PLXDC2: variants seen among roughly 807,000 people sequenced by gnomAD.
The protein encoded by PLXDC2 is plexin domain-containing protein 2.
In PLXDC2, 40 loss-of-function variants were observed where a neutral mutation model predicts 68.9. The observed-to-expected ratio is 0.58, with a 90% CI of 0.45 to 0.76. The LOEUF (loss-of-function observed/expected upper bound fraction) is 0.76, where lower values mean the gene tolerates loss of function less well. Among genes scored for constraint, PLXDC2 ranks in the 30% least tolerant of loss-of-function variants. The pLI is 0.00. For missense variants in PLXDC2, 644 were observed against 661.9 expected (o/e 0.97, Z 0.30); for synonymous variants, 243 against 234.2 (o/e 1.04, Z -0.34).
chr10:20,238,665 A>ATATATATATGTG lies in PLXDC2; in HGVS notation c.1313-6671_1313-6670insGTGTATATATAT, dbSNP rs1835467216. 1.4e-4 allele frequency among the ~76,000 whole-genome samples: 17 copies of ATATATATATGTG among 120,068 alleles called. 1 individual carries two copies. Among genetic ancestry groups the ATATATATATGTG allele is most frequent in the African/African-American group, 4.4e-4 (13 of 29,806 alleles). The allele number at this position is 120,068 out of a possible 152,430, so 78.8% of individuals were successfully genotyped here. A position where few individuals can be genotyped will look rare whatever the true frequency, so the allele number is the denominator to read the frequency against. On this transcript the variant is annotated intron_variant, in intron 12 of 13. Transcript: ENST00000377252. ...AGAAAGACTCCATCTCAAAAAAAAT[A>ATATATATATGTG]TATATATATATGTATATATATATAT...
At chr10:20,153,537 C>G (rs1324832876) in intron 6 of PLXDC2, among the ~76,000 whole-genome samples, 1 of 152,098 alleles carries the variant, frequency 6.6e-6, no homozygotes, top group Non-Finnish European at 1.5e-5. Context: ...TAGAAATGAT[C>G]TTAATCTTGT....
At position 20,147,830 on chromosome 10, in the gene PLXDC2, T is replaced by A. The variant is rs1834099521; in HGVS notation, c.711T>A (p.Asn237Lys). The A allele has an allele frequency of 6.2e-7, 1 of 1,613,442 alleles. No homozygotes were observed. Among genetic ancestry groups the A allele is most frequent in the Admixed American group, 1.7e-5 (1 of 59,992 alleles). The change falls in exon 6 of 14, where the codon AAT (asparagine) becomes AAA (lysine). Residue 237 changes from asparagine to lysine, a missense_variant. Asn to Lys is a moderately conservative substitution (Grantham distance 94, BLOSUM62 0). Coordinates refer to ENST00000377252, the MANE Select transcript of PLXDC2 (RefSeq NM_032812.9). Reference sequence around the variant, plus strand: ...GGGACCATGTACATCTCCAGGATAATTATAACCTGGGAAGCTTCACATTCC... The same window carrying A: ...GGGACCATGTACATCTCCAGGATAAATATAACCTGGGAAGCTTCACATTCC... ...VQWDHVHLQD[N>K]YNLGSFTFQA... is the part of the protein sequence containing the mutation.
At chr10:20,260,049 A>G (rs549056979) in intron 13 of PLXDC2, among the ~76,000 whole-genome samples, 12 of 152,232 alleles carry the variant, frequency 7.9e-5, no homozygotes, top group African/African-American at 1.4e-4. Context: ...CAGATACTCT[A>G]TATCAGGTAC....
At chr10:19,984,816 C>T (rs1220972465) in intron 1 of PLXDC2, among the ~76,000 whole-genome samples, 1 of 152,108 alleles carries the variant, frequency 6.6e-6, no homozygotes, top group Non-Finnish European at 1.5e-5. Flanking sequence ...TCTTCAGGAA[C>T]ACCATGTGAT....
At chr10:19,947,672 CTCTT>C (rs2131403561) in intron 1 of PLXDC2, among the ~76,000 whole-genome samples, 1 of 150,510 alleles carries the variant, frequency 6.6e-6, no homozygotes, top group African/African-American at 2.4e-5. Context: ...GTCTCTCTCT[CTCTT>C]TCTCTCTCTC....
chr10:20,038,618 G>A (rs898693181), intron 2 of PLXDC2, among the ~76,000 whole-genome samples: 1 of 152,164 alleles, frequency 6.6e-6, no homozygotes, highest in African/African-American at 2.4e-5. Context: ...TGCTGAAATT[G>A]TCTGGGCTTG....
chr10:20,146,447 C>G (rs1370257314), intron 5 of PLXDC2, among the ~76,000 whole-genome samples: 1 of 140,674 alleles, frequency 7.1e-6, no homozygotes, highest in Non-Finnish European at 1.5e-5. Flanking sequence ...TTCTTTCTTC[C>G]TTTCTTCCTT....
chr10:20,118,748 A>AT (rs1564321525), intron 4 of PLXDC2, among the ~76,000 whole-genome samples: 1 of 152,180 alleles, frequency 6.6e-6, no homozygotes, highest in Non-Finnish European at 1.5e-5. Context: ...AAACCACCAT[A>AT]TTCCAGGGAC....
rs983025031 is a variant in PLXDC2, at chr10:19,993,375, G to A, written c.113-8400G>A. On this transcript the variant is annotated intron_variant, in intron 1 of 13. Coordinates refer to ENST00000377252, the MANE Select transcript of PLXDC2 (RefSeq NM_032812.9). The stretch of plus-strand genomic sequence containing the variant: ...TTATTTAATAGTAAAATTATAAACC[G>A]TTACATTTTAAAAGTGTAAATTAGT... Among the ~76,000 whole-genome samples the A allele has an allele frequency of 9.2e-5, 14 of 151,902 alleles. 1 individual carries two copies. The highest frequency in any genetic ancestry group is 4.2e-4 in the South Asian group (2 of 4,818).
chr10:19,957,868 C>T (rs1834095936), intron 1 of PLXDC2, among the ~76,000 whole-genome samples: 8 of 152,114 alleles, frequency 5.3e-5, no homozygotes, highest in Admixed American at 5.2e-4. Context: ...ATGAAAGTTA[C>T]TGGGACAGTA....
intron 9 of PLXDC2, among the ~76,000 whole-genome samples, chr10:20,180,666 G>C (rs1834591367): frequency 6.6e-6 from 1 of 151,986 alleles, no homozygotes; most frequent in African/African-American, 2.4e-5. Flanking sequence ...GCTCTAAAAA[G>C]ATAAGATAAT....
intron 1 of PLXDC2, among the ~76,000 whole-genome samples, chr10:19,885,625 T>G (rs182743703): frequency 0.02 from 2,849 of 145,164 alleles, 47 homozygotes; most frequent in Middle Eastern, 0.06. Context: ...TTTCCCCATT[T>G]CTTGTTTTTC....
chr10:20,071,356 G>T (rs1337426261), intron 4 of PLXDC2: 4 of 152,186 alleles, frequency 2.6e-5, no homozygotes, highest in African/African-American at 9.6e-5. Flanking sequence ...ATATGGTTTG[G>T]CTGTGTCCCC....
intron 1 of PLXDC2, among the ~76,000 whole-genome samples, chr10:19,951,174 A>C (rs1263220900): frequency 6.6e-6 from 1 of 152,176 alleles, no homozygotes; most frequent in Admixed American, 6.5e-5. Context: ...TGCATGGCAA[A>C]GAAAAGAAGC....
chr10:19,881,453 C>T (rs78883338), intron 1 of PLXDC2, among the ~76,000 whole-genome samples: 4,368 of 152,138 alleles, frequency 0.029, 91 homozygotes, highest in Middle Eastern at 0.078. Context: ...TCACTTTCCC[C>T]CATTGACTCC....
chr10:20,221,473 A>G (rs1043777792), intron 12 of PLXDC2, among the ~76,000 whole-genome samples: 5 of 152,228 alleles, frequency 3.3e-5, no homozygotes, highest in African/African-American at 1.2e-4. Context: ...CTCTTCTTAT[A>G]TCTATGGTTG....
chr10:20,207,794 C>T (rs1486034039), intron 9 of PLXDC2, among the ~76,000 whole-genome samples: 1 of 152,110 alleles, frequency 6.6e-6, no homozygotes, highest in African/African-American at 2.4e-5. Context: ...GTTTACTCCA[C>T]ACTTAAGCTT....
intron 4 of PLXDC2, among the ~76,000 whole-genome samples, chr10:20,107,135 A>G (rs1833502542): frequency 1.3e-5 from 2 of 150,614 alleles, no homozygotes. Flanking sequence ...ACTATATACT[A>G]TGTATTCTAC....
At chr10:19,942,580 C>A (rs538588242) in intron 1 of PLXDC2, among the ~76,000 whole-genome samples, 1 of 152,036 alleles carries the variant, frequency 6.6e-6, no homozygotes, top group Non-Finnish European at 1.5e-5. Flanking sequence ...TTGGCCAACA[C>A]GGTGAAACCC....
Sources: allele counts gnomAD v4.1 joint callset (sites outside exome capture counted in the v4.1 genomes callset), GRCh38; gene constraint gnomAD v4.1.1; transcripts MANE v1.5; gene names NCBI Gene and HGNC (gene_info 2026-07-23, HGNC 2026-07-21).